Variants in NOS1AP observed in about 807,000 individuals in gnomAD.
NOS1AP encodes the protein carboxyl-terminal PDZ ligand of neuronal nitric oxide synthase protein.
In NOS1AP, 21 loss-of-function variants were observed where a neutral mutation model predicts 56.2. The ratio of observed to expected loss-of-function variants is 0.37; its 90% CI spans 0.26 to 0.54. The LOEUF (loss-of-function observed/expected upper bound fraction) is 0.54. Ranked by LOEUF, NOS1AP falls within the 20% of genes least tolerant of loss-of-function variation. The pLI, the probability that NOS1AP is intolerant of heterozygous loss-of-function variation, is 0.84. For synonymous variants in NOS1AP, 270 were observed against 274.6 expected (o/e 0.98, Z 0.17); for missense variants, 522 against 657.8 (o/e 0.79, Z 2.26).
At chr1:162,221,520 GCACACACACGCGCGCACACACACACACA>G (rs1557837973) in intron 2 of NOS1AP, among the ~76,000 whole-genome samples, 3 of 100,732 alleles carry the variant, frequency 3.0e-5, no homozygotes. Context: ...ACACACACAC[GCACACACACGCGCGCACACACACACACA>G]CACACACACA....
At chr1:162,086,273 A>T (rs1692000203) in intron 1 of NOS1AP, among the ~76,000 whole-genome samples, 1 of 152,114 alleles carries the variant, frequency 6.6e-6, no homozygotes, top group Non-Finnish European at 1.5e-5. Context: ...GGGCAATAAT[A>T]GGCCTGGAGA....
intron 3 of NOS1AP, among the ~76,000 whole-genome samples, chr1:162,289,380 C>T (rs1655209052): frequency 1.3e-5 from 2 of 151,566 alleles, no homozygotes; most frequent in Non-Finnish European, 2.9e-5. Flanking sequence ...TCACTGCAAC[C>T]TCCACCCCCT....
intron 2 of NOS1AP, among the ~76,000 whole-genome samples, chr1:162,244,739 G>T (rs993443919): frequency 2.0e-5 from 3 of 152,188 alleles, no homozygotes; most frequent in African/African-American, 7.2e-5. Flanking sequence ...CCCATTGGGT[G>T]CCAGTAGCAA....
At chr1:162,265,526 A>G (rs1024618546) in intron 2 of NOS1AP, among the ~76,000 whole-genome samples, 9 of 148,214 alleles carry the variant, frequency 6.1e-5, no homozygotes, top group African/African-American at 2.0e-4. Flanking sequence ...TTGATTTCCA[A>G]TTTCATCCAT....
intron 2 of NOS1AP, among the ~76,000 whole-genome samples, chr1:162,261,817 T>A (rs1209526674): frequency 1.3e-5 from 2 of 152,198 alleles, no homozygotes; most frequent in African/African-American, 2.4e-5. Context: ...ATGGACATAG[T>A]TCATTTGGGA....
At chr1:162,164,516 GCT>G (rs1650386709) in intron 2 of NOS1AP, among the ~76,000 whole-genome samples, 1 of 152,070 alleles carries the variant, frequency 6.6e-6, no homozygotes, top group South Asian at 2.1e-4. Flanking sequence ...TTAAACAATA[GCT>G]CTGTTTTCCC....
At chr1:162,344,036 T>A in intron 6 of NOS1AP, 60 bp downstream of exon 6, 5 of 1,582,298 alleles carry the variant, frequency 3.2e-6, no homozygotes, top group Non-Finnish European at 3.5e-6. Flanking sequence ...TAGGCTCTGG[T>A]GGATCACTGC....
At chr1:162,178,016 T>C (rs6674995) in intron 2 of NOS1AP, among the ~76,000 whole-genome samples, 79,452 of 152,134 alleles carry the variant, frequency 0.52, 22,734 homozygotes, top group East Asian at 0.76. Flanking sequence ...TTCCTCCTCC[T>C]AACCTCTAGC....
rs1655123939 is a variant in NOS1AP, at chr1:162,287,455, G to T, written c.270+19G>T. ...GAAAAAGGTAAGTGGCTCTGAACCA[G>T]AATCTGAGGTGAAGAGGAAAGCAGG... On this transcript the variant is annotated intron_variant, in intron 3 of 9. Transcript: ENST00000361897. 1 of 1,540,810 alleles carries T rather than the reference G, an allele frequency of 6.5e-7. No individual in the cohort carries two copies. The highest frequency in any genetic ancestry group is 1.4e-5 in the African/African-American group (1 of 73,492).
chr1:162,119,394 G>A (rs1418236184), intron 1 of NOS1AP, among the ~76,000 whole-genome samples: 3 of 152,158 alleles, frequency 2.0e-5, no homozygotes, highest in Admixed American at 1.3e-4. Context: ...CATTGAGCTC[G>A]TGTGTCTGCT....
intron 1 of NOS1AP, among the ~76,000 whole-genome samples, chr1:162,107,280 C>A (rs1050301459): frequency 2.0e-5 from 3 of 152,088 alleles, no homozygotes; most frequent in Non-Finnish European, 2.9e-5. Flanking sequence ...TAAAACCTAA[C>A]CATTTCTGAA....
At chr1:162,360,956 G>T in intron 8 of NOS1AP, 1 of 456,580 alleles carries the variant, frequency 2.2e-6, no homozygotes, top group Non-Finnish European at 4.4e-6. Context: ...GGCGCCAATG[G>T]TCTGGTGTGG....
In NOS1AP at chr1:162,070,074, C is replaced by T; in HGVS notation, c.-104C>T. The T allele has an allele frequency of 1.1e-6, 1 of 915,546 alleles. No individual in the cohort carries two copies. Among genetic ancestry groups the T allele is most frequent in the East Asian group, 2.9e-5 (1 of 34,602 alleles). 56.7% of individuals were successfully genotyped at this position (915,546 alleles called of 1,614,324 possible). On this transcript the variant is annotated 5_prime_UTR_variant, in exon 1 of 10. Coordinates refer to ENST00000361897, the MANE Select transcript of NOS1AP (RefSeq NM_014697.3). ...CCCCCTGCCCAGCGCTCCCAGGCCC[C>T]GCCACGCGTCGCCGCGCCCAGCTCC... is the stretch of plus-strand genomic sequence containing the variant.
intron 2 of NOS1AP, among the ~76,000 whole-genome samples, chr1:162,156,055 T>C (rs1649960580): frequency 6.6e-6 from 1 of 152,238 alleles, no homozygotes; most frequent in African/African-American, 2.4e-5. Flanking sequence ...AAAATTTGCA[T>C]GCTTGGGGCT....
At chr1:162,219,862 G>T (rs1161288359) in intron 2 of NOS1AP, among the ~76,000 whole-genome samples, 3 of 152,182 alleles carry the variant, frequency 2.0e-5, no homozygotes, top group Non-Finnish European at 2.9e-5. Context: ...GCTTGTATCT[G>T]CTTGTATCCC....
At chr1:162,141,765 A>G (rs1649243374) in intron 1 of NOS1AP, among the ~76,000 whole-genome samples, 1 of 152,188 alleles carries the variant, frequency 6.6e-6, no homozygotes, top group South Asian at 2.1e-4. Flanking sequence ...CCTTATCTGA[A>G]AAATCATTGC....
At chr1:162,287,261 T>G in intron 2 of NOS1AP, 83 bp from the exon 3 acceptor site, 1 of 1,009,284 alleles carries the variant, frequency 9.9e-7, no homozygotes, top group Non-Finnish European at 1.6e-6. Flanking sequence ...GGACCTTTTT[T>G]CCAGGCATGG....
At chr1:162,215,914 G>A (rs1305662696) in intron 2 of NOS1AP, among the ~76,000 whole-genome samples, 1 of 152,196 alleles carries the variant, frequency 6.6e-6, no homozygotes, top group African/African-American at 2.4e-5. Flanking sequence ...ATTTCCATCA[G>A]ACCTTTCTCA....
chr1:162,364,022 G>C (rs1324999465), intron 8 of NOS1AP: 128 of 985,336 alleles, frequency 1.3e-4, no homozygotes, highest in Non-Finnish European at 1.5e-4. Flanking sequence ...CTGAGTGCTG[G>C]TTGCTGGGAG....
Sources: gnomAD v4.1 joint callset for allele counts (sites outside exome capture counted in the v4.1 genomes callset) on GRCh38, gnomAD v4.1.1 for gene constraint, MANE v1.5 for transcripts, NCBI Gene and HGNC (gene_info 2026-07-23, HGNC 2026-07-21) for gene names.